Variants in SGCZ observed in about 807,000 individuals in gnomAD.
SGCZ encodes the protein zeta-sarcoglycan.
A neutral mutation model predicts 41.3 loss-of-function variants in SGCZ; 40 were observed. The observed-to-expected ratio is 0.97, with a 90% CI of 0.75 to 1.26. SGCZ has a LOEUF of 1.26. Ranked by LOEUF, SGCZ falls within the 50% of genes most tolerant of loss-of-function variation. The probability of loss-of-function intolerance (pLI) is 0.00; values close to 1 mark genes in which losing one functional copy is unlikely to be tolerated. For synonymous variants in SGCZ, 206 were observed against 137.5 expected (o/e 1.50, Z -3.49); for missense variants, 552 against 369.8 (o/e 1.49, Z -4.04).
intron 1 of SGCZ, among the ~76,000 whole-genome samples, chr8:15,107,505 TCTC>T (rs879817879): frequency 3.9e-5 from 6 of 152,084 alleles, no homozygotes; most frequent in Non-Finnish European, 7.4e-5. Flanking sequence ...GACCAAAAGG[TCTC>T]CTTGTCTCCG....
chr8:14,287,814 G>C (rs1466427889), intron 3 of SGCZ, among the ~76,000 whole-genome samples: 1 of 151,984 alleles, frequency 6.6e-6, no homozygotes, highest in Non-Finnish European at 1.5e-5. Context: ...TCTTGGTTTG[G>C]GCAGTGATTC....
At chr8:14,158,345 A>G (rs1405824939) in intron 5 of SGCZ, among the ~76,000 whole-genome samples, 1 of 152,132 alleles carries the variant, frequency 6.6e-6, no homozygotes, top group African/African-American at 2.4e-5. Flanking sequence ...TAAAATAGGA[A>G]GTTTATCCTG....
chr8:14,751,198 G>C (rs1247200771), intron 1 of SGCZ, among the ~76,000 whole-genome samples: 1 of 152,062 alleles, frequency 6.6e-6, no homozygotes, highest in African/African-American at 2.4e-5. Context: ...TAGTTCGTAA[G>C]CACATCAGTG....
At chr8:14,566,228 A>T (rs183610991) in intron 1 of SGCZ, among the ~76,000 whole-genome samples, 1 of 152,344 alleles carries the variant, frequency 6.6e-6, no homozygotes, top group Admixed American at 6.5e-5. Context: ...TTTTATTTTT[A>T]TTCTCTTGAA....
intron 2 of SGCZ, among the ~76,000 whole-genome samples, chr8:14,362,169 C>T (rs1803542019): frequency 6.6e-6 from 1 of 152,166 alleles, no homozygotes; most frequent in South Asian, 2.1e-4. Context: ...GGCAGTCTGT[C>T]CATTATTGAT....
At chr8:14,250,677 G>T (rs576000498) in intron 3 of SGCZ, among the ~76,000 whole-genome samples, 1 of 152,138 alleles carries the variant, frequency 6.6e-6, no homozygotes, top group Admixed American at 6.5e-5. Flanking sequence ...TTTTGTATTT[G>T]AGTTAACCCT....
intron 1 of SGCZ, among the ~76,000 whole-genome samples, chr8:14,631,508 T>C (rs1806653147): frequency 6.6e-6 from 1 of 151,986 alleles, no homozygotes; most frequent in African/African-American, 2.4e-5. Flanking sequence ...CCAGAGATAA[T>C]TGGTTTGAAA....
intron 1 of SGCZ, among the ~76,000 whole-genome samples, chr8:14,806,664 T>A (rs964399532): frequency 1.3e-5 from 2 of 152,104 alleles, no homozygotes; most frequent in African/African-American, 4.8e-5. Context: ...AAGGAGGAAC[T>A]GGTACCATTC....
chr8:14,885,985 TTATATATA>T (rs71209089), intron 1 of SGCZ, among the ~76,000 whole-genome samples: 4,165 of 55,678 alleles, frequency 0.075, 168 homozygotes, highest in South Asian at 0.098. Flanking sequence ...GGACTTTATG[TTATATATA>T]TATATATATA....
intron 2 of SGCZ, among the ~76,000 whole-genome samples, chr8:14,479,907 G>C (rs1801487359): frequency 2.3e-5 from 1 of 44,352 alleles, no homozygotes; most frequent in Non-Finnish European, 7.1e-5. Context: ...TAGCACGCTC[G>C]ACTAATTTTG....
At chr8:14,802,555 G>C (rs546269145) in intron 1 of SGCZ, among the ~76,000 whole-genome samples, 2 of 152,036 alleles carry the variant, frequency 1.3e-5, no homozygotes, top group Non-Finnish European at 2.9e-5. Flanking sequence ...ATTTGCTGCC[G>C]CCTTTTTTAT....
In SGCZ at chr8:14,087,727, ATGC is replaced by A. The variant is rs1250087200; in HGVS notation, c.*2713_*2715del. On this transcript the variant is annotated 3_prime_UTR_variant, in exon 8 of 8. Coordinates refer to ENST00000382080, the MANE Select transcript of SGCZ (RefSeq NM_139167.4). Reference sequence around the variant, plus strand: ...CCACTATATTTTTAAAAAAAAAAAAATGCTTTTTTGTGTTTGAATGTGGAAAAC... The same window carrying A: ...CCACTATATTTTTAAAAAAAAAAAAATTTTTTGTGTTTGAATGTGGAAAAC... Among the ~76,000 whole-genome samples, 583 of 149,870 alleles carry A rather than the reference ATGC, an allele frequency of 3.9e-3. 2 individuals are homozygous for A. The highest frequency in any genetic ancestry group is 6.9e-3 in the Non-Finnish European group (467 of 67,578).
At chr8:14,603,259 T>C (rs944022228) in intron 1 of SGCZ, among the ~76,000 whole-genome samples, 3 of 152,146 alleles carry the variant, frequency 2.0e-5, no homozygotes, top group Admixed American at 6.5e-5. Flanking sequence ...ACGTTAGACA[T>C]TGAAAATTAA....
At chr8:14,853,365 C>T in intron 1 of SGCZ, 1 of 474,692 alleles carries the variant, frequency 2.1e-6, no homozygotes, top group Non-Finnish European at 4.6e-6. Context: ...CTCCAGTCCA[C>T]CAAATGCAGT....
At chr8:14,816,384 T>C (rs1801903676) in intron 1 of SGCZ, among the ~76,000 whole-genome samples, 1 of 152,218 alleles carries the variant, frequency 6.6e-6, no homozygotes, top group Non-Finnish European at 1.5e-5. Context: ...GTTATGAGTG[T>C]GTAATACAGG....
intron 7 of SGCZ, among the ~76,000 whole-genome samples, chr8:14,097,001 T>TATTA (rs1554455322): frequency 6.6e-6 from 1 of 152,196 alleles, no homozygotes; most frequent in Non-Finnish European, 1.5e-5. Flanking sequence ...TTTCCTTCTT[T>TATTA]ATTAGTCTGG....
intron 7 of SGCZ, among the ~76,000 whole-genome samples, chr8:14,096,069 T>C (rs910775791): frequency 4.6e-5 from 7 of 152,198 alleles, no homozygotes; most frequent in Non-Finnish European, 1.5e-5. Context: ...TTTGCCTTCC[T>C]GTATTCTTAA....
intron 1 of SGCZ, among the ~76,000 whole-genome samples, chr8:14,985,710 G>C (rs1173860384): frequency 6.6e-6 from 1 of 152,136 alleles, no homozygotes; most frequent in Non-Finnish European, 1.5e-5. Context: ...GTCCATTTAG[G>C]ACATCAGAAA....
At chr8:14,701,370 T>C (rs1365957383) in intron 1 of SGCZ, among the ~76,000 whole-genome samples, 1 of 151,902 alleles carries the variant, frequency 6.6e-6, no homozygotes, top group Non-Finnish European at 1.5e-5. Context: ...GTGGTGAGAA[T>C]ATTAGGACCA....
Sources: gnomAD v4.1 joint callset for allele counts (sites outside exome capture counted in the v4.1 genomes callset) on GRCh38, gnomAD v4.1.1 for gene constraint, MANE v1.5 for transcripts, NCBI Gene and HGNC (gene_info 2026-07-23, HGNC 2026-07-21) for gene names.